Variants in DTWD2 observed in about 807,000 individuals in gnomAD.
DTWD2 encodes the protein tRNA-uridine aminocarboxypropyltransferase 2.
A neutral mutation model predicts 31.8 loss-of-function variants in DTWD2; 39 were observed. The observed-to-expected ratio is 1.22, with a 90% CI of 0.95 to 1.60. The LOEUF (loss-of-function observed/expected upper bound fraction) is 1.60. Ranked by LOEUF, DTWD2 falls within the 40% of genes most tolerant of loss-of-function variation. DTWD2 has a pLI of 0.00. For missense variants in DTWD2, 515 were observed against 381.5 expected (o/e 1.35, Z -2.92); for synonymous variants, 180 against 142.8 (o/e 1.26, Z -1.86).
rs568726550 is a variant in DTWD2 at position 118,849,876 on chromosome 5, G to C, written c.598-1658C>G. 3.2e-4 allele frequency among the ~76,000 whole-genome samples: 49 copies of C among 152,132 alleles called. 1 individual carries two copies. Among genetic ancestry groups the C allele is most frequent in the Non-Finnish European group, 5.3e-4 (36 of 68,002 alleles). Reference sequence around the variant, plus strand: ...GAACATCACACACCAGGGCCTGTTGGGGGGTGTGGGGGCTATGGGAGGGAT... The same window carrying C: ...GAACATCACACACCAGGGCCTGTTGCGGGGTGTGGGGGCTATGGGAGGGAT... On this transcript the variant is annotated intron_variant, in intron 4 of 5. Transcript: ENST00000510708.
chr5:118,912,738 T>A (rs1404643668), intron 4 of DTWD2, among the ~76,000 whole-genome samples: 1 of 152,208 alleles, frequency 6.6e-6, no homozygotes, highest in African/African-American at 2.4e-5. Context: ...TTATTTATTA[T>A]GTTTATTTTT....
chr5:118,917,724 C>CTTTT, intron 4 of DTWD2, among the ~76,000 whole-genome samples: 1 of 152,274 alleles, frequency 6.6e-6, no homozygotes, highest in East Asian at 1.9e-4. Flanking sequence ...ATAATCCCAG[C>CTTTT]ACTTTGGGAG....
rs148305044 is a variant in DTWD2, at chr5:118,930,948, TTGAC to T, written c.405-2223_405-2220del. 9.6e-3 allele frequency among the ~76,000 whole-genome samples: 1,464 copies of T among 152,216 alleles called. 28 individuals are homozygous for T. The highest frequency in any genetic ancestry group is 0.033 in the African/African-American group (1,371 of 41,538). ...TTTTGAAGTGATGACATATTTTAAATTGACTGGTGATGGTTGCAAATATCTTTGG... is the reference window on the plus strand; with the variant it reads ...TTTTGAAGTGATGACATATTTTAAATTGGTGATGGTTGCAAATATCTTTGG... On this transcript the variant is annotated intron_variant, in intron 3 of 5. Transcript: ENST00000510708.
intron 4 of DTWD2, among the ~76,000 whole-genome samples, chr5:118,926,543 T>A (rs570986282): frequency 6.3e-4 from 96 of 151,826 alleles, no homozygotes; most frequent in African/African-American, 1.7e-3. Context: ...ATTGAAATTT[T>A]AAAAAAAAGA....
intron 1 of DTWD2, among the ~76,000 whole-genome samples, chr5:118,981,668 CT>C (rs1396214232): frequency 6.6e-6 from 1 of 152,118 alleles, no homozygotes; most frequent in Non-Finnish European, 1.5e-5. Flanking sequence ...TCAAGTGATC[CT>C]CCCACCTCAG....
intron 4 of DTWD2, among the ~76,000 whole-genome samples, chr5:118,920,318 G>A (rs1192731386): frequency 6.6e-6 from 1 of 151,702 alleles, no homozygotes; most frequent in Non-Finnish European, 1.5e-5. Context: ...AAGAGATAAA[G>A]AATACTATAT....
chr5:118,971,187 A>C (rs1754978975), intron 1 of DTWD2, among the ~76,000 whole-genome samples: 1 of 152,178 alleles, frequency 6.6e-6, no homozygotes, highest in Non-Finnish European at 1.5e-5. Context: ...AAGACACAGA[A>C]TGGCAAGCTG....
intron 1 of DTWD2, among the ~76,000 whole-genome samples, chr5:118,972,888 G>C (rs1302177358): frequency 6.6e-6 from 1 of 151,942 alleles, no homozygotes; most frequent in African/African-American, 2.4e-5. Flanking sequence ...TGATTCTAAG[G>C]CCTTGCTTTT....
At chr5:118,903,796 T>C (rs899932282) in intron 4 of DTWD2, among the ~76,000 whole-genome samples, 4 of 152,040 alleles carry the variant, frequency 2.6e-5, no homozygotes, top group Non-Finnish European at 5.9e-5. Flanking sequence ...ATAAAATCTC[T>C]ACCATCTTGA....
At chr5:118,845,241 C>A (rs1391054651) in intron 5 of DTWD2, among the ~76,000 whole-genome samples, 1 of 152,150 alleles carries the variant, frequency 6.6e-6, no homozygotes, top group Non-Finnish European at 1.5e-5. Context: ...CCCCCACCAT[C>A]TTAAGGTTTT....
intron 3 of DTWD2, 100 bp from the exon 4 acceptor site, chr5:118,928,829 T>A (rs922862268): frequency 2.1e-6 from 2 of 970,214 alleles, no homozygotes; most frequent in Non-Finnish European, 2.9e-6. Context: ...CTATATGTAG[T>A]CATTTGTCTA....
At chr5:118,944,731 C>A (rs976699893) in intron 1 of DTWD2, 82 bp from the exon 2 acceptor site, 3 of 1,294,416 alleles carry the variant, frequency 2.3e-6, no homozygotes, top group South Asian at 1.3e-5. Context: ...CTTAATCCCA[C>A]TGCATTTATA....
chr5:118,841,188 T>C, intron 5 of DTWD2, 101 bp from the exon 6 acceptor site: 2 of 1,353,324 alleles, frequency 1.5e-6, no homozygotes, highest in Non-Finnish European at 2.0e-6. Context: ...TTTCTTTTAT[T>C]ATGATTGGCT....
chr5:118,971,823 C>T lies in DTWD2; in HGVS notation c.218+16471G>A, dbSNP rs546637138. Among the ~76,000 whole-genome samples the T allele has an allele frequency of 3.3e-5, 5 of 152,318 alleles. No individual in the cohort carries two copies. The South Asian group carries it at 8.3e-4, about 25-fold the overall frequency. On this transcript the variant is annotated intron_variant, in intron 1 of 5. Coordinates refer to ENST00000510708, the MANE Select transcript of DTWD2 (RefSeq NM_173666.4). Reference sequence around the variant, plus strand: ...CAAATTAGAACTGAAGGTTAAGAAACTCACTCAAAACTACACAACTACATG... The same window carrying T: ...CAAATTAGAACTGAAGGTTAAGAAATTCACTCAAAACTACACAACTACATG...
intron 4 of DTWD2, among the ~76,000 whole-genome samples, chr5:118,897,067 G>A (rs1753099628): frequency 6.6e-6 from 1 of 152,106 alleles, no homozygotes; most frequent in South Asian, 2.1e-4. Flanking sequence ...TATTTCAGGA[G>A]GACCCAAGAC....
At chr5:118,953,836 T>C (rs752121727) in intron 1 of DTWD2, among the ~76,000 whole-genome samples, 5 of 152,170 alleles carry the variant, frequency 3.3e-5, no homozygotes, top group Admixed American at 6.5e-5. Context: ...GGCCTATATC[T>C]TTCTGGTATT....
chr5:118,893,181 C>T (rs1266798513), intron 4 of DTWD2, among the ~76,000 whole-genome samples: 2 of 151,924 alleles, frequency 1.3e-5, no homozygotes, highest in East Asian at 3.9e-4. Flanking sequence ...TCGAGACTAG[C>T]CTCGCCAACA....
intron 4 of DTWD2, among the ~76,000 whole-genome samples, chr5:118,907,606 C>A (rs1368635837): frequency 6.6e-6 from 1 of 152,108 alleles, no homozygotes; most frequent in Admixed American, 6.6e-5. Context: ...TGGCACATGC[C>A]TGCAATCCCA....
At chr5:118,959,573 C>T (rs1343886440) in intron 1 of DTWD2, among the ~76,000 whole-genome samples, 3 of 152,180 alleles carry the variant, frequency 2.0e-5, no homozygotes, top group Non-Finnish European at 1.5e-5. Flanking sequence ...CTACCAATGA[C>T]ATTCTTCACA....
Sources: gnomAD v4.1 joint callset for allele counts (sites outside exome capture counted in the v4.1 genomes callset) on GRCh38, gnomAD v4.1.1 for gene constraint, MANE v1.5 for transcripts, NCBI Gene and HGNC (gene_info 2026-07-23, HGNC 2026-07-21) for gene names.